Variants in CRACD observed in about 807,000 individuals in gnomAD.
CRACD encodes the protein capping protein-inhibiting regulator of actin dynamics.
Under a neutral mutation model 106.8 loss-of-function variants are expected in CRACD, and 56 were observed. That is an observed-to-expected ratio of 0.52 (90% CI 0.42 to 0.66). The LOEUF is 0.66. Ranked by LOEUF, CRACD falls within the 30% of genes least tolerant of loss-of-function variation. The pLI, the probability that CRACD is intolerant of heterozygous loss-of-function variation, is 0.00. For missense variants in CRACD, 1,730 were observed against 1,623.2 expected (o/e 1.07, Z -1.13); for synonymous variants, 754 against 670.8 (o/e 1.12, Z -1.92).
rs111523127 is a variant in CRACD, at chr4:56,135,336, G to A, written c.-335-43948G>A. 3.5e-3 allele frequency among the ~76,000 whole-genome samples: 531 copies of A among 152,350 alleles called. 3 individuals carry two copies. Among genetic ancestry groups the A allele is most frequent in the African/African-American group, 0.012 (507 of 41,584 alleles). ...GTTATATGCTTTTGCTAAAAGCCAT[G>A]TGACAACTCAAGCAGTTTCTTGGAA... is the stretch of plus-strand genomic sequence containing the variant. On this transcript the variant is annotated intron_variant, in intron 1 of 10. Transcript: ENST00000682029.
chr4:56,071,889 A>G (rs1472506649), intron 1 of CRACD, among the ~76,000 whole-genome samples: 3 of 151,270 alleles, frequency 2.0e-5, no homozygotes, highest in Non-Finnish European at 4.4e-5. Flanking sequence ...GCACTTTGGG[A>G]GGCCGAGGCG....
intron 2 of CRACD, among the ~76,000 whole-genome samples, chr4:56,266,603 G>A (rs1002434060): frequency 1.3e-5 from 2 of 152,152 alleles, no homozygotes; most frequent in Non-Finnish European, 2.9e-5. Context: ...CATTGCAGAC[G>A]TGCTCTGTTT....
intron 5 of CRACD, chr4:56,308,927 C>G (rs1236427471): frequency 3.1e-6 from 4 of 1,288,198 alleles, no homozygotes; most frequent in African/African-American, 3.0e-5. Flanking sequence ...TCAGCAGGCT[C>G]TGTCTCAGAT....
intron 4 of CRACD, 68 bp downstream of exon 4, chr4:56,298,417 G>C: frequency 1.3e-6 from 2 of 1,587,642 alleles, no homozygotes; most frequent in Non-Finnish European, 1.7e-6. Context: ...AGTGGGAAAA[G>C]TCCCGAGCTT....
intron 1 of CRACD, among the ~76,000 whole-genome samples, chr4:56,161,704 C>T (rs573270425): frequency 7.2e-5 from 11 of 151,982 alleles, no homozygotes; most frequent in African/African-American, 2.4e-4. Flanking sequence ...AGATGATCCA[C>T]CTGCCTCAGC....
chr4:56,071,691 A>C (rs1377411935), intron 1 of CRACD, among the ~76,000 whole-genome samples: 1 of 151,822 alleles, frequency 6.6e-6, no homozygotes, highest in Non-Finnish European at 1.5e-5. Flanking sequence ...TGGTATTTTT[A>C]GTAGAGACAG....
At chr4:56,172,775 C>CA (rs1736427342) in intron 1 of CRACD, among the ~76,000 whole-genome samples, 1 of 152,192 alleles carries the variant, frequency 6.6e-6, no homozygotes, top group African/African-American at 2.4e-5. Flanking sequence ...AGTTGCGTGC[C>CA]ACCATGCCCA....
chr4:56,306,890 C>G (rs187786941), intron 4 of CRACD, among the ~76,000 whole-genome samples: 1 of 152,268 alleles, frequency 6.6e-6, no homozygotes, highest in Non-Finnish European at 1.5e-5. Flanking sequence ...CCAGATTGTT[C>G]CTATCCTTTA....
At chr4:56,117,607 G>T (rs970070904) in intron 1 of CRACD, among the ~76,000 whole-genome samples, 2 of 152,086 alleles carry the variant, frequency 1.3e-5, no homozygotes, top group Admixed American at 6.6e-5. Flanking sequence ...ATGGATGATG[G>T]TGATGGTCAC....
At chr4:56,119,785 G>T (rs1386281858) in intron 1 of CRACD, among the ~76,000 whole-genome samples, 6 of 152,160 alleles carry the variant, frequency 3.9e-5, no homozygotes, top group Non-Finnish European at 1.5e-5. Context: ...GACGCTTGCA[G>T]ATAGTTGTCC....
In CRACD at chr4:56,132,177, G is replaced by T. The variant is rs75893096; in HGVS notation, c.-335-47107G>T. On this transcript the variant is annotated intron_variant, in intron 1 of 10. Coordinates refer to ENST00000682029, the MANE Select transcript of CRACD (RefSeq NM_001393381.1). ...TCCCACCTCAGCCTCTCGAGTAGCT[G>T]ATACCACAGGCATGTGCCTGGCTAA... 6.5e-3 allele frequency among the ~76,000 whole-genome samples: 996 copies of T among 152,210 alleles called. 15 individuals are homozygous for T. Among genetic ancestry groups the T allele is most frequent in the African/African-American group, 0.023 (955 of 41,530 alleles).
intron 3 of CRACD, among the ~76,000 whole-genome samples, chr4:56,273,642 G>A (rs1742500975): frequency 6.6e-6 from 1 of 152,120 alleles, no homozygotes; most frequent in South Asian, 2.1e-4. Flanking sequence ...TGATTTGTTT[G>A]CCCTTGCCTG....
intron 1 of CRACD, among the ~76,000 whole-genome samples, chr4:56,072,335 T>A (rs1406304661): frequency 1.3e-5 from 2 of 152,186 alleles, no homozygotes; most frequent in African/African-American, 4.8e-5. Context: ...CCTATACTAG[T>A]GAAAGATGGT....
intron 1 of CRACD, among the ~76,000 whole-genome samples, chr4:56,131,875 C>G (rs992542572): frequency 6.6e-6 from 1 of 151,904 alleles, no homozygotes; most frequent in African/African-American, 2.4e-5. Context: ...ACAAATACAT[C>G]ATTTATTTTA....
rs1001538512 is a variant in CRACD, at chr4:56,319,225, T to G, written c.3187+2536T>G. Among the ~76,000 whole-genome samples the G allele has an allele frequency of 3.3e-5, 5 of 152,130 alleles. No homozygotes were observed. The East Asian group carries it at 9.7e-4, about 29-fold the overall frequency. On this transcript the variant is annotated intron_variant, in intron 8 of 10. Coordinates refer to ENST00000682029, the MANE Select transcript of CRACD (RefSeq NM_001393381.1). ...ATAGCCTTCCCAGCTTCCCTGGAGA[T>G]TCTTTAAACATACCATTTGTTATTA...
chr4:56,166,209 A>G (rs1338481329), intron 1 of CRACD, among the ~76,000 whole-genome samples: 1 of 152,110 alleles, frequency 6.6e-6, no homozygotes, highest in Non-Finnish European at 1.5e-5. Context: ...AGCCTTAACC[A>G]TATTTATTTC....
intron 5 of CRACD, 70 bp downstream of exon 5, chr4:56,307,769 T>C (rs1170907075): frequency 6.6e-7 from 1 of 1,511,318 alleles, no homozygotes; most frequent in Non-Finnish European, 9.1e-7. Flanking sequence ...CCAGTAACCC[T>C]GGGGTCTGCA....
At chr4:56,198,283 A>G (rs953203882) in intron 2 of CRACD, among the ~76,000 whole-genome samples, 2 of 152,226 alleles carry the variant, frequency 1.3e-5, no homozygotes, top group Non-Finnish European at 2.9e-5. Flanking sequence ...CCCATTGACC[A>G]TGAACTTCAA....
At chr4:56,262,444 C>T (rs1423763744) in intron 2 of CRACD, among the ~76,000 whole-genome samples, 1 of 152,242 alleles carries the variant, frequency 6.6e-6, no homozygotes, top group African/African-American at 2.4e-5. Flanking sequence ...ACATGCAGCC[C>T]AGAATGGCTT....
Sources: allele counts gnomAD v4.1 joint callset (sites outside exome capture counted in the v4.1 genomes callset), GRCh38; gene constraint gnomAD v4.1.1; transcripts MANE v1.5; gene names NCBI Gene and HGNC (gene_info 2026-07-23, HGNC 2026-07-21).